Variants in CPD observed in about 807,000 individuals in gnomAD.
CPD encodes carboxypeptidase D, also known as metallocarboxypeptidase D.
Under a neutral mutation model 138.3 loss-of-function variants are expected in CPD, and 69 were observed. The ratio of observed to expected loss-of-function variants is 0.50; its 90% CI spans 0.41 to 0.61. CPD has a LOEUF of 0.61. CPD is among the 20% of genes least tolerant of loss of function. The pLI is 0.00. For missense variants in CPD, 1,432 were observed against 1,733.3 expected (o/e 0.83, Z 3.09); for synonymous variants, 651 against 642.1 (o/e 1.01, Z -0.21).
intron 2 of CPD, among the ~76,000 whole-genome samples, chr17:30,398,626 A>G (rs1045651653): frequency 2.6e-5 from 4 of 152,068 alleles, no homozygotes; most frequent in African/African-American, 7.2e-5. Flanking sequence ...AAAAATTAAG[A>G]CAACAAACCT....
rs1290101403 is a variant in CPD, at chr17:30,466,048, G to A, written c.*1234G>A. 6.6e-6 allele frequency: 1 copy of A among 152,552 alleles called. No individual in the cohort carries two copies. Among genetic ancestry groups the A allele is most frequent in the Non-Finnish European group, 1.5e-5 (1 of 68,010 alleles). 9.4% of individuals were successfully genotyped at this position (152,552 alleles called of 1,614,324 possible). On this transcript the variant is annotated 3_prime_UTR_variant, in exon 21 of 21. Transcript: ENST00000225719. Reference sequence around the variant, plus strand: ...AAAATGTAAACTATGACTGCTGAGTGATAAAACACTGTGGTGTGAAAGTGT... The same window carrying A: ...AAAATGTAAACTATGACTGCTGAGTAATAAAACACTGTGGTGTGAAAGTGT...
chr17:30,395,549 G>A (rs750563471), intron 2 of CPD, among the ~76,000 whole-genome samples: 2 of 152,200 alleles, frequency 1.3e-5, no homozygotes, highest in South Asian at 4.1e-4. Flanking sequence ...CTGACCTTTA[G>A]GAGCAGTGCA....
At chr17:30,418,631 A>G (rs1912182583) in intron 2 of CPD, among the ~76,000 whole-genome samples, 3 of 152,238 alleles carry the variant, frequency 2.0e-5, no homozygotes. Flanking sequence ...TGCATTAAGT[A>G]CATTTACATT....
intron 7 of CPD, among the ~76,000 whole-genome samples, chr17:30,428,364 A>G (rs1912475451): frequency 6.6e-6 from 1 of 152,240 alleles, no homozygotes; most frequent in Non-Finnish European, 1.5e-5. Context: ...TACAGTGCTC[A>G]TGTATATGAA....
chr17:30,449,599 T>G lies in CPD; in HGVS notation c.2920T>G (p.Ser974Ala). Residue 974 changes from serine to alanine, a missense_variant, in exon 13 of 21, where the codon TCC becomes GCC. Around this residue, in one of 6 missense-constraint regions of CPD, gnomAD observed 366 missense variants for 518.8 expected, o/e 0.71. Transcript: ENST00000225719. The stretch of plus-strand genomic sequence containing the variant: ...TCGTCACATTTGGTCCCTTGAAATC[T>G]CCAATAAGCCCAATGTATCTGAGCC... Reference protein sequence around the residue: ...EYRHIWSLEISNKPNVSEPEE... With the variant: ...EYRHIWSLEIANKPNVSEPEE... 2 of 1,603,984 alleles carry G rather than the reference T, an allele frequency of 1.2e-6. No individual in the cohort carries two copies. The highest frequency in any genetic ancestry group is 1.7e-6 in the Non-Finnish European group (2 of 1,177,582).
chr17:30,463,012 AG>A (rs1913532822), intron 20 of CPD, among the ~76,000 whole-genome samples: 1 of 152,250 alleles, frequency 6.6e-6, no homozygotes, highest in African/African-American at 2.4e-5. Flanking sequence ...TGGGCGGGCC[AG>A]GTGTTCCTTG....
At chr17:30,407,432 A>G (rs1245598509) in intron 2 of CPD, among the ~76,000 whole-genome samples, 3 of 152,190 alleles carry the variant, frequency 2.0e-5, no homozygotes, top group African/African-American at 4.8e-5. Context: ...ACTCCCACCA[A>G]CAGTGTAAAA....
At chr17:30,396,778 A>G (rs976705440) in intron 2 of CPD, among the ~76,000 whole-genome samples, 3 of 152,168 alleles carry the variant, frequency 2.0e-5, no homozygotes, top group Non-Finnish European at 4.4e-5. Context: ...ATACTGGTAA[A>G]TGAATGGTAG....
intron 14 of CPD, 139 bp downstream of exon 14, chr17:30,451,985 G>T: frequency 1.3e-6 from 1 of 765,554 alleles, no homozygotes; most frequent in Non-Finnish European, 1.9e-6. Flanking sequence ...AATGAATTCA[G>T]ACATCTGGAA....
At chr17:30,458,337 T>C (rs1913356552) in intron 17 of CPD, among the ~76,000 whole-genome samples, 1 of 152,240 alleles carries the variant, frequency 6.6e-6, no homozygotes, top group African/African-American at 2.4e-5. Context: ...CTTTGATACA[T>C]GAGTTTTTAA....
At chr17:30,439,586 G>A (rs1295378762) in intron 9 of CPD, among the ~76,000 whole-genome samples, 4 of 95,418 alleles carry the variant, frequency 4.2e-5, no homozygotes, top group Non-Finnish European at 8.5e-5. Flanking sequence ...AGTCCCCAGA[G>A]TGTGATATTC....
intron 18 of CPD, among the ~76,000 whole-genome samples, 190 bp downstream of exon 18, chr17:30,461,501 T>A (rs1279237529): frequency 1.3e-5 from 2 of 152,232 alleles, no homozygotes; most frequent in Non-Finnish European, 2.9e-5. Context: ...TGCTATAATT[T>A]AGGTAATTTG....
rs569763535 is a variant in CPD at position 30,412,964 on chromosome 17, A to G, written c.995-7877A>G. ...AGAAATCTACCCCTCTTCTGTGTCA[A>G]TCTTGTCGATCTTGCTGGGAGCTGC... is the stretch of plus-strand genomic sequence containing the variant. On this transcript the variant is annotated intron_variant, in intron 2 of 20. Transcript: ENST00000225719. Among the ~76,000 whole-genome samples the G allele has an allele frequency of 3.3e-5, 5 of 152,232 alleles. No individual in the cohort carries two copies. The East Asian group carries it at 7.7e-4, about 24-fold the overall frequency.
At chr17:30,432,200 G>A (rs542961201) in intron 8 of CPD, among the ~76,000 whole-genome samples, 25 of 152,284 alleles carry the variant, frequency 1.6e-4, no homozygotes, top group Admixed American at 3.3e-4. Flanking sequence ...TATAGCTCTG[G>A]AGCCAAATCT....
Position 30,400,608 on chromosome 17 carries a change from T to A in CPD, c.994+15372T>A, listed in dbSNP as rs546604239. On this transcript the variant is annotated intron_variant, in intron 2 of 20. Transcript: ENST00000225719. Reference sequence around the variant, plus strand: ...TAAAGCAAGTATGCTTATAATGGATTATCTTAGTTTTCCATCTCTGAGAAT... The same window carrying A: ...TAAAGCAAGTATGCTTATAATGGATAATCTTAGTTTTCCATCTCTGAGAAT... 9.2e-5 allele frequency among the ~76,000 whole-genome samples: 14 copies of A among 151,734 alleles called. No homozygotes were observed. The South Asian group carries it at 2.3e-3, about 25-fold the overall frequency.
chr17:30,449,848 CAG>C (rs764090700), intron 13 of CPD, 100 bp downstream of exon 13: 14 of 1,023,368 alleles, frequency 1.4e-5, no homozygotes, highest in Admixed American at 3.1e-5. Context: ...CTAGATTTTA[CAG>C]AGTCACTTGT....
intron 2 of CPD, among the ~76,000 whole-genome samples, chr17:30,390,487 A>T (rs1285621290): frequency 6.6e-6 from 1 of 152,236 alleles, no homozygotes; most frequent in East Asian, 1.9e-4. Context: ...TAATATAGCA[A>T]ATATTTACTG....
intron 2 of CPD, among the ~76,000 whole-genome samples, chr17:30,413,303 C>CA (rs1912016268): frequency 6.6e-6 from 1 of 152,190 alleles, no homozygotes; most frequent in Non-Finnish European, 1.5e-5. Context: ...TGACTAATAT[C>CA]ATAATGACTA....
intron 8 of CPD, among the ~76,000 whole-genome samples, chr17:30,433,488 G>C (rs1192465373): frequency 6.6e-6 from 1 of 152,080 alleles, no homozygotes; most frequent in Non-Finnish European, 1.5e-5. Context: ...ATTCTCCTAA[G>C]GGTCTTGTAC....
Sources: gnomAD v4.1 joint callset for allele counts (sites outside exome capture counted in the v4.1 genomes callset) on GRCh38, gnomAD v4.1.1 for gene constraint, gnomAD v4.1.1 regional missense constraint, MANE v1.5 for transcripts, NCBI Gene and HGNC (gene_info 2026-07-23, HGNC 2026-07-21) for gene names.